The following UNC5C variants were observed in gnomAD, a reference collection of about 807,000 sequenced individuals.
The protein encoded by UNC5C is unc-5 netrin receptor C.
UNC5C carries 47 observed loss-of-function variants against 99.8 expected under a neutral mutation model. The ratio of observed to expected loss-of-function variants is 0.47; its 90% CI spans 0.37 to 0.60. The LOEUF (loss-of-function observed/expected upper bound fraction) is 0.60. UNC5C is among the 20% of genes least tolerant of loss of function. The pLI is 0.00. For missense variants in UNC5C, 1,062 were observed against 1,165.9 expected (o/e 0.91, Z 1.30); for synonymous variants, 487 against 452.2 (o/e 1.08, Z -0.98).
At chr4:95,423,381 C>T (rs898776841) in intron 1 of UNC5C, among the ~76,000 whole-genome samples, 15 of 152,134 alleles carry the variant, frequency 9.9e-5, no homozygotes, top group Admixed American at 9.8e-4. Flanking sequence ...AAGTAAGTTG[C>T]CTGCTCTCAG....
At chr4:95,456,920 CTT>C (rs1396345637) in intron 1 of UNC5C, among the ~76,000 whole-genome samples, 1 of 152,022 alleles carries the variant, frequency 6.6e-6, no homozygotes, top group African/African-American at 2.4e-5. Flanking sequence ...AAATGACTGA[CTT>C]TTAATATTTT....
At chr4:95,386,766 G>A (rs1408654530) in intron 1 of UNC5C, among the ~76,000 whole-genome samples, 1 of 152,146 alleles carries the variant, frequency 6.6e-6, no homozygotes, top group Non-Finnish European at 1.5e-5. Context: ...GAATGCTGGA[G>A]CTGTTCTCAC....
chr4:95,258,039 A>G (rs910594495), intron 4 of UNC5C, among the ~76,000 whole-genome samples: 5 of 152,238 alleles, frequency 3.3e-5, no homozygotes, highest in African/African-American at 9.6e-5. Flanking sequence ...TTTAAAACAT[A>G]TAACCTTTTC....
At position 95,448,664 on chromosome 4, in the gene UNC5C, T is replaced by G. The variant is rs574411443; in HGVS notation, c.124+100070A>C. On this transcript the variant is annotated intron_variant, in intron 1 of 15. Transcript: ENST00000453304. ...ACAGAGCAATAACATTTTCCACGTA[T>G]GTTCCTTTAATAAATTGAATTACAA... Among the ~76,000 whole-genome samples the G allele has an allele frequency of 2.0e-5, 3 of 152,304 alleles. No individual in the cohort carries two copies. The South Asian group carries it at 6.2e-4, about 32-fold the overall frequency.
intron 1 of UNC5C, among the ~76,000 whole-genome samples, chr4:95,447,920 A>G (rs1747154170): frequency 6.6e-6 from 1 of 152,176 alleles, no homozygotes; most frequent in Admixed American, 6.5e-5. Context: ...TCTTTCAGGA[A>G]GAAGCGGCTT....
At chr4:95,532,253 G>A (rs1181931156) in intron 1 of UNC5C, among the ~76,000 whole-genome samples, 3 of 152,016 alleles carry the variant, frequency 2.0e-5, no homozygotes, top group Admixed American at 6.6e-5. Context: ...TCTAAGAGAT[G>A]GGAAGCACTC....
intron 5 of UNC5C, chr4:95,248,583 C>T: frequency 2.2e-6 from 1 of 455,806 alleles, no homozygotes; most frequent in Non-Finnish European, 4.4e-6. Context: ...ACAGGACTAG[C>T]AGAGTGATCT....
At chr4:95,179,563 G>A (rs1026904821) in intron 14 of UNC5C, among the ~76,000 whole-genome samples, 3 of 151,896 alleles carry the variant, frequency 2.0e-5, no homozygotes, top group African/African-American at 4.8e-5. Context: ...CCTAGCCAAC[G>A]TGGTGAAACC....
At chr4:95,449,143 G>T (rs1229653383) in intron 1 of UNC5C, among the ~76,000 whole-genome samples, 1 of 152,156 alleles carries the variant, frequency 6.6e-6, no homozygotes, top group Non-Finnish European at 1.5e-5. Flanking sequence ...AGGACCCAGA[G>T]GGAACATCCA....
intron 1 of UNC5C, among the ~76,000 whole-genome samples, chr4:95,541,416 A>T (rs567432839): frequency 1.3e-5 from 2 of 152,230 alleles, no homozygotes; most frequent in South Asian, 2.1e-4. Context: ...AGTTTCAGGC[A>T]TCCATTGGGG....
intron 1 of UNC5C, among the ~76,000 whole-genome samples, chr4:95,355,623 T>C (rs1744154794): frequency 6.6e-6 from 1 of 150,746 alleles, no homozygotes; most frequent in African/African-American, 2.4e-5. Context: ...CCCCCCAGCA[T>C]GAAACAGAGT....
At chr4:95,324,653 A>G (rs1448314033) in intron 2 of UNC5C, among the ~76,000 whole-genome samples, 1 of 152,120 alleles carries the variant, frequency 6.6e-6, no homozygotes, top group African/African-American at 2.4e-5. Context: ...AGGTGATGGT[A>G]TTAGGAGGTG....
intron 1 of UNC5C, among the ~76,000 whole-genome samples, chr4:95,498,358 A>G (rs1276550711): frequency 6.6e-6 from 1 of 152,014 alleles, no homozygotes; most frequent in Non-Finnish European, 1.5e-5. Context: ...TAGCAAAAGG[A>G]AAGATCATTC....
intron 4 of UNC5C, among the ~76,000 whole-genome samples, chr4:95,265,664 C>T (rs1740417854): frequency 6.6e-6 from 1 of 152,180 alleles, no homozygotes; most frequent in Admixed American, 6.5e-5. Flanking sequence ...TGAGATCACA[C>T]AGACAATTTG....
chr4:95,384,578 A>G (rs1282130548), intron 1 of UNC5C, among the ~76,000 whole-genome samples: 1 of 151,404 alleles, frequency 6.6e-6, no homozygotes, highest in Non-Finnish European at 1.5e-5. Context: ...TAAAGGCTGG[A>G]GAGTGGGTAA....
chr4:95,194,206 T>G (rs1386717413), intron 12 of UNC5C, among the ~76,000 whole-genome samples: 1 of 152,230 alleles, frequency 6.6e-6, no homozygotes, highest in East Asian at 1.9e-4. Context: ...TGTCTACCTC[T>G]GGGCGTGCTC....
intron 1 of UNC5C, among the ~76,000 whole-genome samples, chr4:95,530,488 C>T (rs1722613684): frequency 6.6e-6 from 1 of 152,116 alleles, no homozygotes; most frequent in African/African-American, 2.4e-5. Flanking sequence ...TTTAAAAATG[C>T]AAAACACTAC....
At chr4:95,171,461 A>G (rs531448846) in intron 14 of UNC5C, among the ~76,000 whole-genome samples, 5 of 149,062 alleles carry the variant, frequency 3.4e-5, no homozygotes, top group East Asian at 2.0e-4. Flanking sequence ...TCATTGTTCA[A>G]TTCCCCCGTG....
chr4:95,546,827 A>T (rs1033245950), intron 1 of UNC5C, among the ~76,000 whole-genome samples: 2 of 151,786 alleles, frequency 1.3e-5, no homozygotes, highest in Non-Finnish European at 2.9e-5. Flanking sequence ...AGTCTTTTTA[A>T]TTTGGTTATT....
Sources: allele counts gnomAD v4.1 joint callset (sites outside exome capture counted in the v4.1 genomes callset), GRCh38; gene constraint gnomAD v4.1.1; transcripts MANE v1.5; gene names NCBI Gene and HGNC (gene_info 2026-07-23, HGNC 2026-07-21).